TAFA1: variants seen among roughly 807,000 people sequenced by gnomAD.
The protein encoded by TAFA1 is TAFA chemokine like family member 1.
In TAFA1, 4 loss-of-function variants were observed where a neutral mutation model predicts 18.5. The observed-to-expected ratio is 0.22, with a 90% CI of 0.11 to 0.49. The LOEUF (loss-of-function observed/expected upper bound fraction) is 0.49, where lower values mean the gene tolerates loss of function less well. TAFA1 is among the 20% of genes least tolerant of loss of function. The pLI is 0.98. For synonymous variants in TAFA1, 56 were observed against 55.2 expected (o/e 1.01, Z -0.06); for missense variants, 147 against 169.0 (o/e 0.87, Z 0.72).
upstream of TAFA1, among the ~76,000 whole-genome samples, chr3:68,002,855 C>T (rs2106761980): frequency 6.6e-6 from 1 of 150,656 alleles, no homozygotes; most frequent in Non-Finnish European, 1.5e-5. Context: ...TAATACTTAT[C>T]TTGTGGGGTT....
intron 2 of TAFA1, among the ~76,000 whole-genome samples, chr3:68,235,321 T>A (rs1163080424): frequency 6.6e-6 from 1 of 152,178 alleles, no homozygotes; most frequent in Non-Finnish European, 1.5e-5. Context: ...AAATGAACTG[T>A]TGCTCTTCAG....
intron 2 of TAFA1, among the ~76,000 whole-genome samples, chr3:68,166,455 C>T (rs2065983028): frequency 6.6e-6 from 1 of 152,116 alleles, no homozygotes; most frequent in African/African-American, 2.4e-5. Context: ...AGTCCTCTTT[C>T]CCCCTTATTT....
At chr3:68,038,069 T>C (rs1361248618) in intron 2 of TAFA1, among the ~76,000 whole-genome samples, 3 of 152,194 alleles carry the variant, frequency 2.0e-5, no homozygotes, top group African/African-American at 7.2e-5. Flanking sequence ...AGACCACAGA[T>C]AGAAGCATTA....
intron 2 of TAFA1, among the ~76,000 whole-genome samples, chr3:68,096,175 G>T (rs1203842470): frequency 6.6e-6 from 1 of 152,014 alleles, no homozygotes; most frequent in Non-Finnish European, 1.5e-5. Flanking sequence ...GTGAGAACAT[G>T]CAATATTTGT....
At chr3:68,458,291 A>G (rs767468675) in intron 3 of TAFA1, among the ~76,000 whole-genome samples, 22 of 152,122 alleles carry the variant, frequency 1.4e-4, no homozygotes, top group Non-Finnish European at 2.8e-4. Flanking sequence ...CTCCACAGCC[A>G]TGCTTCCTGT....
chr3:68,319,960 C>T lies in TAFA1; in HGVS notation c.119-97320C>T, dbSNP rs535445857. 7.9e-5 allele frequency among the ~76,000 whole-genome samples: 12 copies of T among 152,148 alleles called. No homozygotes were observed. The South Asian group carries it at 8.3e-4, about 11-fold the overall frequency. ...TTTGATAAAGCAAGTGATGAGAATA[C>T]GACTAAAACAGTGTTTCTCCTAAAA... On this transcript the variant is annotated intron_variant, in intron 2 of 4. Transcript: ENST00000478136.
intron 2 of TAFA1, chr3:68,145,291 T>A (rs1256387616): frequency 3.8e-6 from 3 of 789,610 alleles, no homozygotes; most frequent in Admixed American, 1.7e-5. Context: ...TCAACGCTCA[T>A]CAGTGGTCTG....
intron 2 of TAFA1, among the ~76,000 whole-genome samples, chr3:68,074,766 A>T (rs1238703948): frequency 2.0e-5 from 3 of 152,176 alleles, no homozygotes; most frequent in African/African-American, 7.2e-5. Context: ...TAACCACCAT[A>T]TACATTTTCT....
At chr3:68,293,449 T>C (rs1013886337) in intron 2 of TAFA1, among the ~76,000 whole-genome samples, 4 of 152,186 alleles carry the variant, frequency 2.6e-5, no homozygotes, top group African/African-American at 9.7e-5. Flanking sequence ...TCTTGGGGAC[T>C]GAATTAAGTG....
chr3:68,257,437 CTT>C (rs113497143), intron 2 of TAFA1, among the ~76,000 whole-genome samples: 31 of 142,540 alleles, frequency 2.2e-4, no homozygotes, highest in Non-Finnish European at 2.5e-4. Context: ...CGGTGTCCAT[CTT>C]TTTTTTTTTT....
chr3:68,443,153 T>C (rs2071415095), intron 3 of TAFA1, among the ~76,000 whole-genome samples: 1 of 152,058 alleles, frequency 6.6e-6, no homozygotes, highest in Non-Finnish European at 1.5e-5. Context: ...CAAATTCCAT[T>C]GGTAAGGGGT....
intron 2 of TAFA1, among the ~76,000 whole-genome samples, chr3:68,158,902 A>C (rs12485392): frequency 0.024 from 3,593 of 152,304 alleles, 60 homozygotes; most frequent in Non-Finnish European, 0.035. Context: ...TCTGCACCTC[A>C]TATCAAAGTT....
chr3:68,167,018 G>C (rs952300831), intron 2 of TAFA1, among the ~76,000 whole-genome samples: 1 of 152,116 alleles, frequency 6.6e-6, no homozygotes, highest in Non-Finnish European at 1.5e-5. Flanking sequence ...GGTTTATAAA[G>C]GTTTTGCAAA....
At chr3:68,439,801 A>G (rs2071339763) in intron 3 of TAFA1, among the ~76,000 whole-genome samples, 1 of 151,956 alleles carries the variant, frequency 6.6e-6, no homozygotes. Context: ...CTTCAATCCA[A>G]TCAAGATGAC....
At chr3:68,445,070 T>C (rs1170565409) in intron 3 of TAFA1, among the ~76,000 whole-genome samples, 2 of 152,074 alleles carry the variant, frequency 1.3e-5, no homozygotes, top group Non-Finnish European at 2.9e-5. Flanking sequence ...GTGTTCAGTT[T>C]TTGTTATAAC....
chr3:68,473,807 C>A (rs2072043470), intron 3 of TAFA1, among the ~76,000 whole-genome samples: 2 of 152,150 alleles, frequency 1.3e-5, no homozygotes, highest in African/African-American at 4.8e-5. Context: ...AGCATGCTCA[C>A]TCCCCATCTC....
intron 2 of TAFA1, among the ~76,000 whole-genome samples, chr3:68,401,949 A>C (rs2070501979): frequency 6.6e-6 from 1 of 152,220 alleles, no homozygotes; most frequent in South Asian, 2.1e-4. Flanking sequence ...ATAACTAATA[A>C]CATTAATAAC....
chr3:68,150,486 T>C (rs764947486), intron 2 of TAFA1, among the ~76,000 whole-genome samples: 2 of 152,220 alleles, frequency 1.3e-5, no homozygotes, highest in East Asian at 1.9e-4. Flanking sequence ...GCAACTGTTA[T>C]GGCAACAAAG....
At chr3:68,212,673 A>G (rs747719650) in intron 2 of TAFA1, among the ~76,000 whole-genome samples, 5 of 152,028 alleles carry the variant, frequency 3.3e-5, no homozygotes, top group Non-Finnish European at 1.5e-5. Flanking sequence ...ACTTTACCTG[A>G]AATTCCTTTT....
Sources: allele counts gnomAD v4.1 joint callset (sites outside exome capture counted in the v4.1 genomes callset), GRCh38; gene constraint gnomAD v4.1.1; transcripts MANE v1.5; gene names NCBI Gene and HGNC (gene_info 2026-07-23, HGNC 2026-07-21).